The following VEPH1 variants were observed in gnomAD, a reference collection of about 807,000 sequenced individuals.
VEPH1 encodes the protein ventricular zone expressed PH domain containing 1, also known as ventricular zone-expressed PH domain-containing protein homolog 1.
A neutral mutation model predicts 85.2 loss-of-function variants in VEPH1; 80 were observed. That is an observed-to-expected ratio of 0.94 (90% CI 0.78 to 1.13). The LOEUF (loss-of-function observed/expected upper bound fraction) is 1.13, where lower values mean the gene tolerates loss of function less well. Ranked by LOEUF, VEPH1 falls within the 50% of genes most tolerant of loss-of-function variation. The pLI is 0.00. For missense variants in VEPH1, 955 were observed against 980.5 expected (o/e 0.97, Z 0.35); for synonymous variants, 297 against 348.0 (o/e 0.85, Z 1.63).
intron 2 of VEPH1, among the ~76,000 whole-genome samples, chr3:157,473,067 CTTTTTTTTTTTTTT>C (rs200991031): frequency 0.068 from 5,691 of 83,164 alleles, 331 homozygotes; most frequent in Middle Eastern, 0.3. Context: ...TTAAATGAAC[CTTTTTTTTTTTTTT>C]TTTTTTTTTT....
At chr3:157,372,700 G>A (rs1158292050) in intron 7 of VEPH1, among the ~76,000 whole-genome samples, 2 of 152,108 alleles carry the variant, frequency 1.3e-5, no homozygotes, top group African/African-American at 4.8e-5. Flanking sequence ...TAAACTCACT[G>A]TAGTAAAGAA....
chr3:157,378,314 A>G (rs1437111799), intron 7 of VEPH1, among the ~76,000 whole-genome samples: 6 of 2,876 alleles, frequency 2.1e-3, no homozygotes, highest in Non-Finnish European at 3.2e-3. Context: ...TGGTATATAT[A>G]TATATATATA....
chr3:157,358,425 A>C (rs1725677817), intron 9 of VEPH1, among the ~76,000 whole-genome samples: 1 of 152,220 alleles, frequency 6.6e-6, no homozygotes, highest in Non-Finnish European at 1.5e-5. Flanking sequence ...TGTGTGAAAA[A>C]GATTTAAAAT....
chr3:157,491,309 A>G (rs1739192025), intron 2 of VEPH1, among the ~76,000 whole-genome samples: 1 of 152,150 alleles, frequency 6.6e-6, no homozygotes, highest in African/African-American at 2.4e-5. Flanking sequence ...TGAGGTGAGC[A>G]CCAATGGAAA....
chr3:157,271,934 G>A (rs1270526230), intron 12 of VEPH1, among the ~76,000 whole-genome samples: 4 of 152,198 alleles, frequency 2.6e-5, no homozygotes, highest in Non-Finnish European at 4.4e-5. Context: ...AGACACTTTG[G>A]TAAGTGGTAA....
chr3:157,424,169 C>G (rs527588768), intron 5 of VEPH1, among the ~76,000 whole-genome samples: 1 of 152,132 alleles, frequency 6.6e-6, no homozygotes. Flanking sequence ...ATAAGTCTCA[C>G]GAGATCTGAT....
chr3:157,498,956 A>G (rs1289630456), intron 1 of VEPH1, among the ~76,000 whole-genome samples: 4 of 152,154 alleles, frequency 2.6e-5, no homozygotes, highest in Admixed American at 1.3e-4. Flanking sequence ...CTTTCTACAC[A>G]TCAACCTTTT....
At chr3:157,463,528 T>G (rs1304257804) in intron 3 of VEPH1, among the ~76,000 whole-genome samples, 1 of 152,178 alleles carries the variant, frequency 6.6e-6, no homozygotes, top group Non-Finnish European at 1.5e-5. Flanking sequence ...GTGAATTTAA[T>G]TGGGCCTGAT....
At position 157,450,048 on chromosome 3, in the gene VEPH1, C is replaced by CTTTTT. The variant is rs761761440; in HGVS notation, c.529+10128_529+10132dup. On this transcript the variant is annotated intron_variant, in intron 4 of 13. Transcript: ENST00000362010. ...CTTAAAATTGACTGGAGAATATTTACTTTTTTTTTTTTTTTTTTTTTTTTT... is the reference window on the plus strand; with the variant it reads ...CTTAAAATTGACTGGAGAATATTTACTTTTTTTTTTTTTTTTTTTTTTTTTTTTTT... 5.3e-4 allele frequency among the ~76,000 whole-genome samples: 41 copies of CTTTTT among 77,302 alleles called. 1 individual carries two copies. The highest frequency in any genetic ancestry group is 9.5e-4 in the African/African-American group (20 of 20,944). 50.7% of individuals were successfully genotyped at this position (77,302 alleles called of 152,430 possible). A position where few individuals can be genotyped will look rare whatever the true frequency, so the allele number is the denominator to read the frequency against.
chr3:157,499,650 C>G (rs1473800264), intron 1 of VEPH1: 1 of 152,156 alleles, frequency 6.6e-6, no homozygotes, highest in Admixed American at 6.5e-5. Flanking sequence ...GTGCAACGCT[C>G]TGTTTCCTGA....
intron 9 of VEPH1, among the ~76,000 whole-genome samples, chr3:157,327,495 A>G (rs1252512617): frequency 6.6e-6 from 1 of 152,230 alleles, no homozygotes; most frequent in Non-Finnish European, 1.5e-5. Context: ...TAATATTACA[A>G]TAAGTGAAAA....
At chr3:157,320,100 A>G (rs2108545736) in intron 9 of VEPH1, among the ~76,000 whole-genome samples, 1 of 152,266 alleles carries the variant, frequency 6.6e-6, no homozygotes, top group Middle Eastern at 3.4e-3. Context: ...GGAATGCAAT[A>G]AATTGTTGTT....
At chr3:157,312,457 G>C (rs1300788204) in intron 11 of VEPH1, among the ~76,000 whole-genome samples, 1 of 141,392 alleles carries the variant, frequency 7.1e-6, no homozygotes, top group Non-Finnish European at 1.5e-5. Context: ...CTTTCTTCCT[G>C]AAGCCCACAT....
intron 6 of VEPH1, among the ~76,000 whole-genome samples, chr3:157,412,674 A>C (rs536556574): frequency 6.6e-6 from 1 of 151,852 alleles, no homozygotes; most frequent in Non-Finnish European, 1.5e-5. Flanking sequence ...CAGTGCATAG[A>C]AAGGGATTAT....
chr3:157,389,869 A>AT (rs1729692412), intron 6 of VEPH1, among the ~76,000 whole-genome samples: 5 of 152,132 alleles, frequency 3.3e-5, no homozygotes, highest in Admixed American at 3.3e-4. Context: ...ATTTTATTTG[A>AT]TTTTAGGTCT....
intron 6 of VEPH1, among the ~76,000 whole-genome samples, chr3:157,397,690 T>G (rs1262409927): frequency 2.0e-5 from 3 of 152,218 alleles, no homozygotes; most frequent in African/African-American, 7.2e-5. Context: ...CAATTGTGAA[T>G]GGGACTTCAT....
At chr3:157,476,106 A>G (rs1257773527) in intron 2 of VEPH1, among the ~76,000 whole-genome samples, 1 of 152,212 alleles carries the variant, frequency 6.6e-6, no homozygotes, top group Non-Finnish European at 1.5e-5. Context: ...TGATCCAGTC[A>G]GCACATAAAT....
In VEPH1 at chr3:157,374,645, AG is replaced by A. The variant is rs1443476351; in HGVS notation, c.1127+6510del. On this transcript the variant is annotated intron_variant, in intron 7 of 13. Coordinates refer to ENST00000362010, the MANE Select transcript of VEPH1 (RefSeq NM_001167912.2). ...GGATGGCATGTGCTGGGAGGTGGAA[AG>A]GTTGTATGAACTGTGGGAGCTCAGA... Among the ~76,000 whole-genome samples, 6 of 152,306 alleles carry A rather than the reference AG, an allele frequency of 3.9e-5. No homozygotes were observed. The East Asian group carries it at 1.2e-3, about 29-fold the overall frequency.
At chr3:157,443,189 G>A in intron 4 of VEPH1, 1 of 533,990 alleles carries the variant, frequency 1.9e-6, no homozygotes, top group Non-Finnish European at 3.2e-6. Context: ...AATGTTACTA[G>A]ACTTTATGCC....
Sources: gnomAD v4.1 joint callset for allele counts (sites outside exome capture counted in the v4.1 genomes callset) on GRCh38, gnomAD v4.1.1 for gene constraint, MANE v1.5 for transcripts, NCBI Gene and HGNC (gene_info 2026-07-23, HGNC 2026-07-21) for gene names.